The following AGBL1 variants were observed in gnomAD, a reference collection of about 807,000 sequenced individuals.
The protein encoded by AGBL1 is AGBL carboxypeptidase 1.
A neutral mutation model predicts 118.9 loss-of-function variants in AGBL1; 130 were observed. The ratio of observed to expected loss-of-function variants is 1.09; its 90% CI spans 0.95 to 1.26. AGBL1 has a LOEUF of 1.26. Among genes scored for constraint, AGBL1 ranks in the 50% most tolerant of loss-of-function variants. The probability of loss-of-function intolerance (pLI) is 0.00; values close to 1 mark genes in which losing one functional copy is unlikely to be tolerated. For missense variants in AGBL1, 1,584 were observed against 1,298.1 expected (o/e 1.22, Z -3.38); for synonymous variants, 555 against 478.9 (o/e 1.16, Z -2.08).
intron 23 of AGBL1, among the ~76,000 whole-genome samples, chr15:86,939,356 C>G (rs1346445333): frequency 6.6e-6 from 1 of 152,206 alleles, no homozygotes; most frequent in African/African-American, 2.4e-5. Context: ...GCTTCCTGCC[C>G]TTGAACATCA....
At chr15:86,477,230 T>G (rs868536985) in intron 18 of AGBL1, among the ~76,000 whole-genome samples, 27 of 149,056 alleles carry the variant, frequency 1.8e-4, no homozygotes, top group Middle Eastern at 3.4e-3. Flanking sequence ...ATAACTAAGA[T>G]CAGAGTAGAA....
In AGBL1 at chr15:86,257,948, C is replaced by CT; in HGVS notation, c.902-11dup. On this transcript the variant is annotated splice_polypyrimidine_tract_variant and intron_variant, in intron 8 of 22. Coordinates refer to ENST00000614907, the MANE Select transcript of AGBL1 (RefSeq NM_001386094.1). Reference sequence around the variant, plus strand: ...AGGGGAAACTTCACTTATTTCACCTCTTTTTCCCCATCCAGAGGATTTTGA... The same window carrying CT: ...AGGGGAAACTTCACTTATTTCACCTCTTTTTTCCCCATCCAGAGGATTTTGA... The CT allele has an allele frequency of 1.9e-6, 3 of 1,612,412 alleles. No individual in the cohort carries two copies. In the Middle Eastern group the frequency reaches 5.0e-4, roughly 266 times the overall value.
At chr15:86,265,638 T>C (rs11858486) in intron 11 of AGBL1, among the ~76,000 whole-genome samples, 26,330 of 152,098 alleles carry the variant, frequency 0.17, 2,524 homozygotes, top group Admixed American at 0.2. Context: ...GGCTGACATA[T>C]CCAACCCTAC....
intron 23 of AGBL1, among the ~76,000 whole-genome samples, chr15:86,972,696 T>A (rs1302104035): frequency 3.3e-5 from 5 of 152,016 alleles, no homozygotes; most frequent in Non-Finnish European, 5.9e-5. Context: ...TTGCTCCCCT[T>A]TCCTTACAGG....
chr15:86,558,714 G>A (rs542073243), intron 21 of AGBL1, among the ~76,000 whole-genome samples: 6 of 152,248 alleles, frequency 3.9e-5, no homozygotes, highest in Admixed American at 2.0e-4. Flanking sequence ...TTCAATCATC[G>A]GAACTCCGTG....
chr15:86,193,979 C>G (rs1002674882), intron 5 of AGBL1, among the ~76,000 whole-genome samples: 8 of 152,184 alleles, frequency 5.3e-5, no homozygotes, highest in African/African-American at 1.7e-4. Flanking sequence ...GAAAATGAGA[C>G]TGCCAGGCAT....
At chr15:86,761,216 G>A (rs764642237) in intron 22 of AGBL1, among the ~76,000 whole-genome samples, 3 of 151,976 alleles carry the variant, frequency 2.0e-5, no homozygotes, top group Non-Finnish European at 4.4e-5. Context: ...AGAAGGTCAG[G>A]AATACAATAA....
At chr15:86,865,600 A>G (rs533412592) in intron 22 of AGBL1, among the ~76,000 whole-genome samples, 4 of 152,362 alleles carry the variant, frequency 2.6e-5, no homozygotes, top group African/African-American at 9.6e-5. Context: ...TTAACTCAGT[A>G]TAACTGAGAG....
At chr15:86,569,827 A>G (rs1201734993) in intron 21 of AGBL1, among the ~76,000 whole-genome samples, 5 of 152,226 alleles carry the variant, frequency 3.3e-5, no homozygotes, top group African/African-American at 7.2e-5. Flanking sequence ...TGTTCCTTCT[A>G]TGAAAAATAA....
In AGBL1 at chr15:86,351,089, T is replaced by A. The variant is rs542859093; in HGVS notation, c.2375-46277T>A. 4.6e-5 allele frequency among the ~76,000 whole-genome samples: 7 copies of A among 152,328 alleles called. No homozygotes were observed. In the South Asian group the frequency reaches 1.4e-3, roughly 32 times the overall value. ...AGACCTACTGTCTTAGTCTGTTTTG[T>A]GCTGCTAGGCTAGGTAATTTATAAT... On this transcript the variant is annotated intron_variant, in intron 17 of 22. Transcript: ENST00000614907.
intron 24 of AGBL1, among the ~76,000 whole-genome samples, chr15:87,001,661 T>G (rs1389790931): frequency 1.3e-5 from 2 of 152,112 alleles, no homozygotes; most frequent in African/African-American, 4.8e-5. Context: ...GACTTTTTAA[T>G]GATCGCCATT....
intron 22 of AGBL1, among the ~76,000 whole-genome samples, chr15:86,767,914 A>C (rs2078119239): frequency 6.6e-6 from 1 of 151,968 alleles, no homozygotes; most frequent in Admixed American, 6.6e-5. Flanking sequence ...TGCATAACTC[A>C]ACCTTTTTGG....
chr15:86,765,230 T>A (rs1376511904), intron 22 of AGBL1, among the ~76,000 whole-genome samples: 2 of 151,976 alleles, frequency 1.3e-5, no homozygotes, highest in Non-Finnish European at 2.9e-5. Flanking sequence ...TTCAGTTTCT[T>A]TGCCTTCTTC....
chr15:86,724,711 G>A (rs1455981489), intron 22 of AGBL1, among the ~76,000 whole-genome samples: 1 of 152,114 alleles, frequency 6.6e-6, no homozygotes, highest in African/African-American at 2.4e-5. Flanking sequence ...GAGGTGTTGG[G>A]GTCATGGGAG....
At chr15:86,353,106 A>G (rs1198205130) in intron 17 of AGBL1, among the ~76,000 whole-genome samples, 1 of 152,222 alleles carries the variant, frequency 6.6e-6, no homozygotes, top group Non-Finnish European at 1.5e-5. Flanking sequence ...CAAAACGTTT[A>G]GATGTGATTT....
At chr15:86,799,107 A>G (rs2078613802) in intron 22 of AGBL1, among the ~76,000 whole-genome samples, 1 of 152,018 alleles carries the variant, frequency 6.6e-6, no homozygotes, top group South Asian at 2.1e-4. Flanking sequence ...CTAGTAAGAC[A>G]GTTCTCTCTG....
chr15:86,716,311 T>TTGC, intron 22 of AGBL1, among the ~76,000 whole-genome samples: 1 of 152,130 alleles, frequency 6.6e-6, no homozygotes, highest in East Asian at 1.9e-4. Flanking sequence ...TAAGTTAGCA[T>TTGC]TGCTGCATGG....
At chr15:86,472,681 G>A (rs2082494349) in intron 18 of AGBL1, among the ~76,000 whole-genome samples, 1 of 152,236 alleles carries the variant, frequency 6.6e-6, no homozygotes, top group African/African-American at 2.4e-5. Context: ...TATTTTGGGA[G>A]GCTGAGATGG....
chr15:86,608,854 A>G (rs970014043), intron 21 of AGBL1, among the ~76,000 whole-genome samples: 1 of 152,202 alleles, frequency 6.6e-6, no homozygotes, highest in African/African-American at 2.4e-5. Context: ...CCCTGTGAGC[A>G]TCATGAAACA....
Sources: allele counts gnomAD v4.1 joint callset (sites outside exome capture counted in the v4.1 genomes callset), GRCh38; gene constraint gnomAD v4.1.1; transcripts MANE v1.5; gene names NCBI Gene and HGNC (gene_info 2026-07-23, HGNC 2026-07-21).